ZNF420: variants seen among roughly 807,000 people sequenced by gnomAD.
ZNF420 encodes the protein ATM and p53-associated KZNF protein.
A neutral mutation model predicts 44.7 loss-of-function variants in ZNF420; 31 were observed. The ratio of observed to expected loss-of-function variants is 0.69; its 90% confidence interval spans 0.52 to 0.94. The LOEUF (loss-of-function observed/expected upper bound fraction) is 0.94, where lower values mean the gene tolerates loss of function less well. ZNF420 is among the 40% of genes least tolerant of loss of function. The probability of loss-of-function intolerance (pLI) is 0.00; values close to 1 mark genes in which losing one functional copy is unlikely to be tolerated. For synonymous variants in ZNF420, 245 were observed against 267.4 expected (o/e 0.92, Z 0.82); for missense variants, 681 against 827.9 (o/e 0.82, Z 2.18).
intron 1 of ZNF420, among the ~76,000 whole-genome samples, chr19:37,014,594 G>C (rs372191432): frequency 1.3e-5 from 2 of 152,308 alleles, no homozygotes; most frequent in South Asian, 4.1e-4. Context: ...AGCCGCCGCC[G>C]GTCCATCTCT....
chr19:37,046,614 A>C (rs1219505172), intron 1 of ZNF420, among the ~76,000 whole-genome samples: 1 of 152,214 alleles, frequency 6.6e-6, no homozygotes, highest in East Asian at 1.9e-4. Flanking sequence ...GGTGTGAATC[A>C]GGAAAAAAAG....
intron 1 of ZNF420, among the ~76,000 whole-genome samples, chr19:37,032,337 A>G (rs1006198146): frequency 2.6e-5 from 4 of 151,676 alleles, no homozygotes; most frequent in Non-Finnish European, 2.9e-5. Context: ...TTAAAAAAAA[A>G]AAACCCAAAA....
At chr19:37,037,369 G>A (rs907839502) in intron 1 of ZNF420, among the ~76,000 whole-genome samples, 2 of 152,204 alleles carry the variant, frequency 1.3e-5, no homozygotes, top group Non-Finnish European at 2.9e-5. Flanking sequence ...TCAGTGCAAT[G>A]GCGCCTGCGT....
intron 2 of ZNF420, among the ~76,000 whole-genome samples, chr19:37,086,557 G>T (rs962131510): frequency 3.3e-5 from 5 of 152,162 alleles, no homozygotes; most frequent in Admixed American, 6.5e-5. Flanking sequence ...TTGTCTACTT[G>T]TTCTGTCAGT....
intron 1 of ZNF420, among the ~76,000 whole-genome samples, chr19:37,013,310 C>A (rs1240197229): frequency 5.3e-5 from 8 of 152,174 alleles, no homozygotes; most frequent in Non-Finnish European, 8.8e-5. Context: ...AGGCGCCTGT[C>A]GGCCTTGCCA....
intron 4 of ZNF420, among the ~76,000 whole-genome samples, chr19:37,104,613 G>A (rs1464836442): frequency 2.6e-5 from 4 of 152,202 alleles, no homozygotes; most frequent in Non-Finnish European, 4.4e-5. Context: ...CAGTGTAAAA[G>A]TGTTCCTGTT....
chr19:37,034,430 T>C (rs1209657286), intron 1 of ZNF420, among the ~76,000 whole-genome samples: 2 of 152,238 alleles, frequency 1.3e-5, no homozygotes, highest in Non-Finnish European at 2.9e-5. Flanking sequence ...AATATATTAT[T>C]TGAAATATTT....
chr19:37,109,227 G>A (rs2146651279), intron 4 of ZNF420, among the ~76,000 whole-genome samples: 1 of 152,250 alleles, frequency 6.6e-6, no homozygotes, highest in Middle Eastern at 3.4e-3. Flanking sequence ...GGTTTGGCAG[G>A]GCAGTGATCA....
At chr19:37,069,215 C>T (rs372982602) in intron 1 of ZNF420, among the ~76,000 whole-genome samples, 6 of 152,040 alleles carry the variant, frequency 3.9e-5, no homozygotes, top group African/African-American at 9.7e-5. Flanking sequence ...GGGCAAATCT[C>T]GAAAACTTTC....
intron 4 of ZNF420, among the ~76,000 whole-genome samples, chr19:37,103,251 T>G (rs1373052474): frequency 6.6e-6 from 1 of 152,142 alleles, no homozygotes; most frequent in Non-Finnish European, 1.5e-5. Context: ...ATTGTCTTAG[T>G]AACTTAATTC....
At chr19:37,023,077 G>A (rs1441305283) in intron 1 of ZNF420, among the ~76,000 whole-genome samples, 1 of 151,706 alleles carries the variant, frequency 6.6e-6, no homozygotes, top group Non-Finnish European at 1.5e-5. Context: ...GGCAGAGGTT[G>A]CAGTGAGCCG....
intron 1 of ZNF420, among the ~76,000 whole-genome samples, chr19:37,034,610 G>A (rs1348289884): frequency 6.6e-6 from 1 of 152,076 alleles, no homozygotes; most frequent in Non-Finnish European, 1.5e-5. Context: ...CACTGGACAA[G>A]GTCCCTTTTA....
intron 1 of ZNF420, among the ~76,000 whole-genome samples, chr19:37,051,816 T>A (rs1236384144): frequency 6.6e-6 from 1 of 152,208 alleles, no homozygotes; most frequent in African/African-American, 2.4e-5. Context: ...GATGTTAGGG[T>A]GTCAGTTTTG....
chr19:37,092,358 A>T (rs1296571386), intron 4 of ZNF420: 3 of 152,026 alleles, frequency 2.0e-5, no homozygotes, highest in African/African-American at 7.2e-5. Context: ...TCCCACTTTC[A>T]AAAGAGGGAA....
At chr19:37,010,998 C>T (rs2074565111) in intron 1 of ZNF420, among the ~76,000 whole-genome samples, 1 of 152,294 alleles carries the variant, frequency 6.6e-6, no homozygotes. Flanking sequence ...GCAAAAACCC[C>T]TGGCCTCTCT....
At chr19:37,045,147 C>T (rs985102119) in intron 1 of ZNF420, among the ~76,000 whole-genome samples, 1 of 152,128 alleles carries the variant, frequency 6.6e-6, no homozygotes, top group Non-Finnish European at 1.5e-5. Context: ...GAACAATTTT[C>T]TATTAAATTA....
upstream of ZNF420, among the ~76,000 whole-genome samples, chr19:37,077,783 T>C (rs1191691478): frequency 6.6e-6 from 1 of 152,104 alleles, no homozygotes; most frequent in Non-Finnish European, 1.5e-5. Context: ...CAGATATACA[T>C]ACAGATACCC....
At chr19:37,021,068 G>A (rs751692815) in intron 1 of ZNF420, among the ~76,000 whole-genome samples, 15 of 152,270 alleles carry the variant, frequency 9.9e-5, no homozygotes, top group Non-Finnish European at 1.6e-4. Context: ...TTAAAAATTA[G>A]GAGGAAAATA....
At chr19:37,050,001 G>A (rs1967610344) in intron 1 of ZNF420, among the ~76,000 whole-genome samples, 1 of 152,068 alleles carries the variant, frequency 6.6e-6, no homozygotes, top group Non-Finnish European at 1.5e-5. Flanking sequence ...GTTTTTGTCA[G>A]GTTTGTCAAA....
Sources: allele counts gnomAD v4.1 joint callset (sites outside exome capture counted in the v4.1 genomes callset), GRCh38; gene constraint gnomAD v4.1.1; transcripts MANE v1.5; gene names NCBI Gene and HGNC (gene_info 2026-07-23, HGNC 2026-07-21).